Variants in FBXO25 observed in about 807,000 individuals in gnomAD.
FBXO25 encodes F-box only protein 25.
FBXO25 carries 45 observed loss-of-function variants against 51.9 expected under a neutral mutation model. That is an observed-to-expected ratio of 0.87 (90% CI 0.68 to 1.11). The LOEUF (loss-of-function observed/expected upper bound fraction) is 1.11. Ranked by LOEUF, FBXO25 falls within the 50% of genes most tolerant of loss-of-function variation. The probability of loss-of-function intolerance (pLI) is 0.00; values close to 1 mark genes in which losing one functional copy is unlikely to be tolerated. For synonymous variants in FBXO25, 199 were observed against 151.0 expected (o/e 1.32, Z -2.33); for missense variants, 507 against 428.5 (o/e 1.18, Z -1.62).
chr8:412,719 G>T (rs996397002), intron 1 of FBXO25, among the ~76,000 whole-genome samples: 1 of 152,042 alleles, frequency 6.6e-6, no homozygotes, highest in Non-Finnish European at 1.5e-5. Flanking sequence ...TTTCATTTTC[G>T]GTTGCTTCTA....
At chr8:441,345 C>T (rs1798413448) in intron 5 of FBXO25, among the ~76,000 whole-genome samples, 1 of 152,184 alleles carries the variant, frequency 6.6e-6, no homozygotes, top group South Asian at 2.1e-4. Flanking sequence ...CGCTTCCTTA[C>T]ACCTTTATAC....
rs974090635 is a variant in FBXO25, at chr8:476,767, T to C, written c.*7963T>C. The C allele has an allele frequency of 6.6e-6, 1 of 152,160 alleles. No homozygotes were observed. The highest frequency in any genetic ancestry group is 6.5e-5 in the Admixed American group (1 of 15,280). The allele number at this position is 152,160 out of a possible 1,614,324, so 9.4% of individuals were successfully genotyped here. On this transcript the variant is annotated 3_prime_UTR_variant, in exon 10 of 10. Transcript: ENST00000350302. ...ACAAACTCTTGGTTTCATTTATTTT[T>C]CTCTATTGCTTTTCTGTTCTCTATT...
chr8:411,752 G>A (rs1216714502), intron 1 of FBXO25, among the ~76,000 whole-genome samples: 1 of 152,092 alleles, frequency 6.6e-6, no homozygotes, highest in African/African-American at 2.4e-5. Context: ...TGGTAGGGAG[G>A]GGGTTGAGGC....
In FBXO25 at chr8:471,314, G is replaced by C. The variant is rs78231979; in HGVS notation, c.*2510G>C. On this transcript the variant is annotated 3_prime_UTR_variant, in exon 10 of 10. Transcript: ENST00000350302. ...ATGGAGGGTATAAGGACAGAATAAA[G>C]ACAATTTTGAGGCACTGATCAGTTA... 116 of 152,340 alleles carry C rather than the reference G, an allele frequency of 7.6e-4. 1 individual carries two copies. The highest frequency in any genetic ancestry group is 2.7e-3 in the African/African-American group (113 of 41,568). 9.4% of individuals were successfully genotyped at this position (152,340 alleles called of 1,614,324 possible). A position where few individuals can be genotyped will look rare whatever the true frequency, so the allele number is the denominator to read the frequency against.
At chr8:414,750 T>A (rs1796691997) in intron 2 of FBXO25, among the ~76,000 whole-genome samples, 1 of 152,198 alleles carries the variant, frequency 6.6e-6, no homozygotes, top group Admixed American at 6.5e-5. Flanking sequence ...AACACAAGCA[T>A]CCCTGCGCAA....
intron 5 of FBXO25, among the ~76,000 whole-genome samples, chr8:446,138 G>A (rs551171779): frequency 6.6e-4 from 101 of 152,148 alleles, no homozygotes; most frequent in African/African-American, 2.0e-3. Flanking sequence ...GCACACTAAC[G>A]AATGTGAGGA....
At chr8:427,576 A>T (rs1473426726) in intron 2 of FBXO25, among the ~76,000 whole-genome samples, 2 of 149,382 alleles carry the variant, frequency 1.3e-5, no homozygotes, top group African/African-American at 5.0e-5. Context: ...AACCACAGAA[A>T]TGTATGTCCT....
At chr8:456,447 C>G (rs144238962) in intron 7 of FBXO25, among the ~76,000 whole-genome samples, 11 of 152,284 alleles carry the variant, frequency 7.2e-5, no homozygotes, top group African/African-American at 2.4e-4. Context: ...AGACTTGAAT[C>G]AAACATTCGT....
chr8:411,981 T>A (rs1796507198), intron 1 of FBXO25, among the ~76,000 whole-genome samples: 1 of 152,186 alleles, frequency 6.6e-6, no homozygotes, highest in East Asian at 1.9e-4. Context: ...CTTGAATGTT[T>A]AAAAAGCTTC....
chr8:416,853 A>T (rs1345459922), intron 2 of FBXO25, among the ~76,000 whole-genome samples: 1 of 152,366 alleles, frequency 6.6e-6, no homozygotes, highest in East Asian at 1.9e-4. Context: ...TGAAACAGAT[A>T]GGCAGTGGAC....
intron 4 of FBXO25, among the ~76,000 whole-genome samples, chr8:433,410 C>G (rs1797929768): frequency 1.3e-5 from 2 of 152,150 alleles, no homozygotes; most frequent in African/African-American, 4.8e-5. Context: ...ACCCCTGATG[C>G]TGATGGGAAT....
At chr8:444,517 C>T (rs950600296) in intron 5 of FBXO25, among the ~76,000 whole-genome samples, 27 of 152,096 alleles carry the variant, frequency 1.8e-4, no homozygotes, top group African/African-American at 6.3e-4. Context: ...TCCTTTGTGG[C>T]CTTCTTTATA....
In FBXO25 at chr8:431,390, T is replaced by C; in HGVS notation, c.184T>C (p.Tyr62His). 1 of 1,555,708 alleles carries C rather than the reference T, an allele frequency of 6.4e-7. No individual in the cohort carries two copies. ...GEIFNNEEHE[Y>H]ASKKRKKDHF... The stretch of plus-strand genomic sequence containing the variant: ...AATATTCAATAATGAAGAGCATGAA[T>C]ATGCATCGAAAAAAAGGAAAAAGGA... The change falls in exon 3 of 10, where the codon TAT becomes CAT. Residue 62 changes from tyrosine (Y) to histidine (H), a missense_variant. Physicochemically the swap from Tyr to His is moderately conservative, Grantham distance 83. Transcript: ENST00000350302.
intron 9 of FBXO25, among the ~76,000 whole-genome samples, chr8:466,281 A>T (rs1298860290): frequency 6.6e-6 from 1 of 152,190 alleles, no homozygotes; most frequent in Non-Finnish European, 1.5e-5. Flanking sequence ...GGTGGGCCAA[A>T]CCCAGATTGG....
rs200675439 is a variant in FBXO25 at position 444,591 on chromosome 8, G to A, written c.382-5399G>A. Among the ~76,000 whole-genome samples the A allele has an allele frequency of 2.0e-5, 3 of 152,252 alleles. No homozygotes were observed. The East Asian group carries it at 5.8e-4, about 29-fold the overall frequency. On this transcript the variant is annotated intron_variant, in intron 5 of 9. Coordinates refer to ENST00000350302, the MANE Select transcript of FBXO25 (RefSeq NM_183420.2). ...AATACAGATTCTCTATTTGAAGGATGTACTTTCTTTCTCTTTATCTAATTC... is the reference window on the plus strand; with the variant it reads ...AATACAGATTCTCTATTTGAAGGATATACTTTCTTTCTCTTTATCTAATTC...
In FBXO25 at chr8:435,675, C is replaced by G. The variant is rs369367871; in HGVS notation, c.349C>G (p.Gln117Glu). The change falls in exon 5 of 10, where the codon CAA becomes GAA. Residue 117 changes from glutamine to glutamate, a missense_variant. Physicochemically the swap from Gln to Glu is conservative, Grantham distance 29. Transcript: ENST00000350302. ...FNRLDFSSAI[Q>E]DIRRFNYVVK... ...TCGGTTAGACTTCTCAAGTGCAATT[C>G]AAGATATCCGAAGGTTCAATTATGT... 3.1e-5 allele frequency: 50 copies of G among 1,600,212 alleles called. No homozygotes were observed. Among genetic ancestry groups the G allele is most frequent in the Non-Finnish European group, 4.0e-5 (47 of 1,176,380 alleles).
intron 9 of FBXO25, among the ~76,000 whole-genome samples, chr8:465,694 A>C (rs75127877): frequency 0.022 from 3,293 of 152,288 alleles, 134 homozygotes; most frequent in African/African-American, 0.074. Flanking sequence ...TAGTAATTTT[A>C]TACATAAAAC....
chr8:471,211 G>A lies in FBXO25; in HGVS notation c.*2407G>A, dbSNP rs935678860. ...GCATGGGTCACAGCCTCCTGCAGGT[G>A]CGTTCGAGGGACAAGCTGTGGGAGC... On this transcript the variant is annotated 3_prime_UTR_variant, in exon 10 of 10. Coordinates refer to ENST00000350302, the MANE Select transcript of FBXO25 (RefSeq NM_183420.2). 6 of 152,294 alleles carry A rather than the reference G, an allele frequency of 3.9e-5. No individual in the cohort carries two copies. Among genetic ancestry groups the A allele is most frequent in the African/African-American group, 1.4e-4 (6 of 41,440 alleles). The allele number at this position is 152,294 out of a possible 1,614,324, so 9.4% of individuals were successfully genotyped here.
At chr8:427,259 C>T (rs1797546699) in intron 2 of FBXO25, among the ~76,000 whole-genome samples, 1 of 152,010 alleles carries the variant, frequency 6.6e-6, no homozygotes, top group African/African-American at 2.4e-5. Flanking sequence ...AGAAGAGGTG[C>T]AGCCAAATTG....
Sources: gnomAD v4.1 joint callset for allele counts (sites outside exome capture counted in the v4.1 genomes callset) on GRCh38, gnomAD v4.1.1 for gene constraint, MANE v1.5 for transcripts, NCBI Gene and HGNC (gene_info 2026-07-23, HGNC 2026-07-21) for gene names.